Variants in SYT1 observed in about 807,000 individuals in gnomAD.
SYT1 encodes the protein synaptotagmin-1.
A neutral mutation model predicts 44.8 loss-of-function variants in SYT1; 8 were observed. That is an observed-to-expected ratio of 0.18 (90% CI 0.10 to 0.32). SYT1 has a LOEUF of 0.32. SYT1 is among the 10% of genes least tolerant of loss of function. SYT1 has a pLI of 1.00. For synonymous variants in SYT1, 154 were observed against 188.8 expected, an observed-to-expected ratio of 0.82 and a Z score of 1.51; for missense variants, 286 against 509.3, an observed-to-expected ratio of 0.56 and a Z score of 4.22.
At chr12:79,327,744 A>G (rs1881668078) in intron 8 of SYT1, among the ~76,000 whole-genome samples, 1 of 152,216 alleles carries the variant, frequency 6.6e-6, no homozygotes, top group African/African-American at 2.4e-5. Context: ...TGCTATCTGG[A>G]AGTGAAGAGA....
At chr12:79,441,410 G>A (rs187112396) in intron 9 of SYT1, among the ~76,000 whole-genome samples, 1 of 152,028 alleles carries the variant, frequency 6.6e-6, no homozygotes, top group Non-Finnish European at 1.5e-5. Context: ...CCGTCTCCCT[G>A]GTTCAAGCAA....
intron 3 of SYT1, among the ~76,000 whole-genome samples, chr12:79,176,637 C>G (rs1871887277): frequency 6.6e-6 from 1 of 151,890 alleles, no homozygotes; most frequent in African/African-American, 2.4e-5. Flanking sequence ...ATTTTTTTAA[C>G]TTTACATTTG....
At chr12:79,189,381 A>G (rs1872982595) in intron 3 of SYT1, among the ~76,000 whole-genome samples, 2 of 152,190 alleles carry the variant, frequency 1.3e-5, no homozygotes, top group South Asian at 4.1e-4. Context: ...TTGACTTTCA[A>G]TAACTTTTAG....
Position 78,973,938 on chromosome 12 carries a change from AATATATATATATATATATATATAT to A in SYT1, c.-216-3834_-216-3811del, listed in dbSNP as rs869290804. Among the ~76,000 whole-genome samples the A allele has an allele frequency of 2.5e-3, 63 of 25,336 alleles. 4 individuals carry two copies. Among genetic ancestry groups the A allele is most frequent in the Non-Finnish European group, 3.2e-3 (49 of 15,430 alleles). The allele number at this position is 25,336 out of a possible 152,430, so 16.6% of individuals were successfully genotyped here. A position where few individuals can be genotyped will look rare whatever the true frequency, so the allele number is the denominator to read the frequency against. On this transcript the variant is annotated intron_variant, in intron 1 of 10. Transcript: ENST00000261205. ...CACCAAAAAAAAAAAAAAAAAAAAAAATATATATATATATATATATATATATATATATATATATATATATATATA... is the reference window on the plus strand; with the variant it reads ...CACCAAAAAAAAAAAAAAAAAAAAAAATATATATATATATATATATATATA...
chr12:78,901,967 A>G (rs1482807637), intron 1 of SYT1, among the ~76,000 whole-genome samples: 1 of 152,010 alleles, frequency 6.6e-6, no homozygotes, highest in Non-Finnish European at 1.5e-5. Flanking sequence ...ATTCTCACTC[A>G]TAAGTGGGAA....
At chr12:79,302,258 G>A (rs769276425) in intron 8 of SYT1, among the ~76,000 whole-genome samples, 12 of 152,130 alleles carry the variant, frequency 7.9e-5, no homozygotes, top group Non-Finnish European at 1.8e-4. Flanking sequence ...AGAAAAAGGA[G>A]TTCAAGGAAC....
chr12:79,275,085 C>T (rs2138785612), intron 4 of SYT1, among the ~76,000 whole-genome samples: 1 of 152,190 alleles, frequency 6.6e-6, no homozygotes, highest in South Asian at 2.1e-4. Context: ...ACTGCCACTC[C>T]TAGGGGAAAA....
At chr12:79,234,129 C>G (rs1191369618) in intron 4 of SYT1, among the ~76,000 whole-genome samples, 4 of 152,168 alleles carry the variant, frequency 2.6e-5, no homozygotes, top group African/African-American at 9.6e-5. Flanking sequence ...CAATTGCCTA[C>G]AGGTGGGTAC....
intron 1 of SYT1, among the ~76,000 whole-genome samples, chr12:78,905,626 A>G (rs1012382246): frequency 3.3e-5 from 5 of 152,086 alleles, no homozygotes; most frequent in Admixed American, 1.3e-4. Flanking sequence ...TGGCATCTAC[A>G]ATATATTGGA....
At chr12:79,063,901 C>T (rs1293285092) in intron 3 of SYT1, among the ~76,000 whole-genome samples, 1 of 152,176 alleles carries the variant, frequency 6.6e-6, no homozygotes, top group East Asian at 1.9e-4. Flanking sequence ...CCTCACTTTT[C>T]CTGACCTAAC....
intron 9 of SYT1, among the ~76,000 whole-genome samples, chr12:79,426,081 T>TA (rs201612555): frequency 2.0e-3 from 280 of 142,630 alleles, no homozygotes; most frequent in South Asian, 8.3e-3. Flanking sequence ...ACTGTTTGAT[T>TA]AAAAAAAAAA....
intron 3 of SYT1, among the ~76,000 whole-genome samples, chr12:79,067,389 A>T (rs1473057111): frequency 1.3e-5 from 2 of 152,130 alleles, no homozygotes; most frequent in Non-Finnish European, 2.9e-5. Context: ...ATTTGAAGGT[A>T]TGTATATCAA....
chr12:79,208,050 A>C (rs1874228564), intron 3 of SYT1, among the ~76,000 whole-genome samples: 1 of 152,118 alleles, frequency 6.6e-6, no homozygotes, highest in African/African-American at 2.4e-5. Flanking sequence ...ATTTTGAGAA[A>C]CTTACAGCTG....
intron 4 of SYT1, among the ~76,000 whole-genome samples, chr12:79,280,798 AG>A (rs1456228123): frequency 6.6e-6 from 1 of 151,940 alleles, no homozygotes; most frequent in Non-Finnish European, 1.5e-5. Flanking sequence ...ACCTCAAATC[AG>A]CAAGAAAAAA....
chr12:78,986,691 T>C (rs1432104838), intron 2 of SYT1, among the ~76,000 whole-genome samples: 1 of 152,020 alleles, frequency 6.6e-6, no homozygotes, highest in Admixed American at 6.6e-5. Flanking sequence ...ATTTTTGTTC[T>C]GGAATATAAA....
intron 1 of SYT1, among the ~76,000 whole-genome samples, chr12:78,925,144 T>G (rs2137177234): frequency 6.6e-6 from 1 of 152,062 alleles, no homozygotes; most frequent in African/African-American, 2.4e-5. Flanking sequence ...AAATTCAAAC[T>G]GACGCCTCCA....
chr12:78,929,876 G>A (rs1028333626), intron 1 of SYT1, among the ~76,000 whole-genome samples: 6 of 152,164 alleles, frequency 3.9e-5, no homozygotes, highest in African/African-American at 1.2e-4. Context: ...GAGAAAGAAT[G>A]TGGTGGGGGG....
chr12:79,147,911 G>T (rs1870020840), intron 3 of SYT1, among the ~76,000 whole-genome samples: 1 of 152,124 alleles, frequency 6.6e-6, no homozygotes, highest in African/African-American at 2.4e-5. Context: ...CATATAATTG[G>T]TTTGAAATAG....
At chr12:79,253,476 T>C (rs1468395979) in intron 4 of SYT1, among the ~76,000 whole-genome samples, 1 of 134,946 alleles carries the variant, frequency 7.4e-6, no homozygotes, top group Non-Finnish European at 1.6e-5. Context: ...CCAAAAGCCA[T>C]TGCCCAGTCT....
Sources: allele counts gnomAD v4.1 joint callset (sites outside exome capture counted in the v4.1 genomes callset), GRCh38; gene constraint gnomAD v4.1.1; transcripts MANE v1.5; gene names NCBI Gene and HGNC (gene_info 2026-07-23, HGNC 2026-07-21).